Variants in HDAC11 observed in about 807,000 individuals in gnomAD.
HDAC11 encodes the protein histone deacetylase 11.
In HDAC11, 23 loss-of-function variants were observed where a neutral mutation model predicts 41.1. The observed-to-expected ratio is 0.56, with a 90% confidence interval of 0.40 to 0.79. The LOEUF (loss-of-function observed/expected upper bound fraction) is 0.79. Ranked by LOEUF, HDAC11 falls within the 30% of genes least tolerant of loss-of-function variation. The pLI, the probability that HDAC11 is intolerant of heterozygous loss-of-function variation, is 0.00. For synonymous variants in HDAC11, 187 were observed against 186.6 expected (o/e 1.00, Z -0.02); for missense variants, 402 against 477.3 (o/e 0.84, Z 1.47).
chr3:13,491,159 G>C (rs976116334), intron 3 of HDAC11, among the ~76,000 whole-genome samples: 1 of 151,646 alleles, frequency 6.6e-6, no homozygotes, highest in African/African-American at 2.4e-5. Flanking sequence ...TCTGTGAAGA[G>C]AGGTAGCTTC....
chr3:13,487,861 A>G (rs1380095876), intron 3 of HDAC11, among the ~76,000 whole-genome samples: 1 of 152,002 alleles, frequency 6.6e-6, no homozygotes, highest in Admixed American at 6.6e-5. Context: ...ATGAGATAAT[A>G]TGTTAGATGG....
intron 2 of HDAC11, 99 bp downstream of exon 2, chr3:13,481,493 C>T (rs1036459504): frequency 4.2e-6 from 6 of 1,422,114 alleles, no homozygotes; most frequent in Non-Finnish European, 3.9e-6. Context: ...CTCCCATCTT[C>T]AGTTTCAGCC....
chr3:13,481,851 A>G (rs1381094530), intron 2 of HDAC11, among the ~76,000 whole-genome samples: 1 of 152,216 alleles, frequency 6.6e-6, no homozygotes, highest in African/African-American at 2.4e-5. Context: ...GGTAGGCACC[A>G]CAATCGCAGC....
At chr3:13,481,839 G>C (rs994198335) in intron 2 of HDAC11, among the ~76,000 whole-genome samples, 3 of 152,172 alleles carry the variant, frequency 2.0e-5, no homozygotes, top group African/African-American at 7.2e-5. Context: ...AGCAGCCCTC[G>C]GGGTAGGCAC....
chr3:13,486,616 T>C (rs970117943), intron 3 of HDAC11, among the ~76,000 whole-genome samples: 1 of 145,012 alleles, frequency 6.9e-6, no homozygotes. Flanking sequence ...TCTCGCTTTG[T>C]TGCCCAGGCT....
chr3:13,496,975 C>T (rs1702129235), intron 4 of HDAC11, 123 bp downstream of exon 4: 2 of 518,750 alleles, frequency 3.9e-6, no homozygotes, highest in Non-Finnish European at 6.8e-6. Context: ...AAATATTCCT[C>T]AAGGCTCGGC....
chr3:13,488,143 A>G lies in HDAC11; in HGVS notation c.252+4579A>G, dbSNP rs1407440057. Among the ~76,000 whole-genome samples, 4 of 152,062 alleles carry G rather than the reference A, an allele frequency of 2.6e-5. No homozygotes were observed. The East Asian group carries it at 7.8e-4, about 29-fold the overall frequency. ...AGAAGGAGACACAGACCATAGCTCC[A>G]TGGAGCACCTGGAGGGACCCTGGAG... is the stretch of plus-strand genomic sequence containing the variant. On this transcript the variant is annotated intron_variant, in intron 3 of 9. Transcript: ENST00000295757.
At chr3:13,503,093 C>A (rs76666620) in intron 8 of HDAC11, 113 bp downstream of exon 8, 10 of 725,224 alleles carry the variant, frequency 1.4e-5, no homozygotes, top group Non-Finnish European at 2.4e-5. Context: ...TTCATAGCAT[C>A]CCTGTGAGGT....
intron 9 of HDAC11, 70 bp downstream of exon 9, chr3:13,504,342 G>A (rs181341416): frequency 3.3e-5 from 53 of 1,591,282 alleles, no homozygotes; most frequent in African/African-American, 4.0e-5. Flanking sequence ...AAAGGTGGGC[G>A]GCCTCATGTC....
At chr3:13,488,378 A>G (rs1449539750) in intron 3 of HDAC11, among the ~76,000 whole-genome samples, 1 of 152,166 alleles carries the variant, frequency 6.6e-6, no homozygotes, top group Admixed American at 6.5e-5. Context: ...AAACATTTTC[A>G]TCACTCCAAA....
At chr3:13,487,897 G>T (rs1183024619) in intron 3 of HDAC11, among the ~76,000 whole-genome samples, 1 of 151,980 alleles carries the variant, frequency 6.6e-6, no homozygotes, top group African/African-American at 2.4e-5. Context: ...AGAAAGGAAG[G>T]GACAGCAGAA....
intron 3 of HDAC11, among the ~76,000 whole-genome samples, chr3:13,489,849 T>C (rs1383839703): frequency 6.6e-6 from 1 of 152,112 alleles, no homozygotes; most frequent in Non-Finnish European, 1.5e-5. Context: ...ATTACAGGCA[T>C]GTGTGAGCCA....
chr3:13,501,911 T>C lies in HDAC11; in HGVS notation c.530T>C (p.Ile177Thr). The C allele has an allele frequency of 6.2e-7, 1 of 1,614,012 alleles. No homozygotes were observed. The highest frequency in any genetic ancestry group is 8.5e-7 in the Non-Finnish European group (1 of 1,179,952). Reference sequence around the variant, plus strand: ...GTGGAGGGCATCTCCAGGGCTACCATCATTGATCTTGATGCCCATCAGGTG... The same window carrying C: ...GTGGAGGGCATCTCCAGGGCTACCACCATTGATCTTGATGCCCATCAGGTG... ...ERVEGISRAT[I>T]IDLDAHQGNG... The change falls in exon 7 of 10, where the codon ATC becomes ACC. Residue 177 changes from isoleucine (I) to threonine (T), a missense_variant. By Grantham distance (89) the Ile-to-Thr change is moderately conservative (BLOSUM62 -1). Transcript: ENST00000295757.
intron 3 of HDAC11, among the ~76,000 whole-genome samples, chr3:13,496,035 C>T (rs1324387988): frequency 6.6e-6 from 1 of 152,204 alleles, no homozygotes; most frequent in East Asian, 1.9e-4. Context: ...AGCAGGGATG[C>T]GTTTTCAGCC....
At chr3:13,481,948 C>T (rs912882032) in intron 2 of HDAC11, among the ~76,000 whole-genome samples, 12 of 152,294 alleles carry the variant, frequency 7.9e-5, no homozygotes, top group African/African-American at 2.2e-4. Context: ...GAATTACAGG[C>T]GTGAGCCACC....
intron 4 of HDAC11, 39 bp from the exon 5 acceptor site, chr3:13,498,474 G>A (rs768164475): frequency 3.7e-6 from 6 of 1,613,246 alleles, no homozygotes; most frequent in East Asian, 2.2e-5. Flanking sequence ...CTGGTGGATC[G>A]GCTGCCTGCG....
In HDAC11 at chr3:13,502,994, C is replaced by G; in HGVS notation, c.649+14C>G. Reference sequence around the variant, plus strand: ...GCTTTGCCAAGCGTAAGCTGCTGCCCCTACCCTCATCTTGGGTGTGTCCTT... The same window carrying G: ...GCTTTGCCAAGCGTAAGCTGCTGCCGCTACCCTCATCTTGGGTGTGTCCTT... On this transcript the variant is annotated intron_variant, in intron 8 of 9. Transcript: ENST00000295757. The surrounding 1 kb of genome is among the most constrained non-coding windows in gnomAD (Gnocchi z 4.1). The G allele has an allele frequency of 1.3e-6, 2 of 1,598,582 alleles. No homozygotes were observed. The highest frequency in any genetic ancestry group is 1.7e-6 in the Non-Finnish European group (2 of 1,166,362).
At chr3:13,498,361 G>C (rs970228326) in intron 4 of HDAC11, 152 bp from the exon 5 acceptor site, 2 of 910,542 alleles carry the variant, frequency 2.2e-6, no homozygotes, top group Non-Finnish European at 3.5e-6. Flanking sequence ...TTGGGGTAGG[G>C]AGTTCCTTCT....
chr3:13,504,562 C>G lies in HDAC11; in HGVS notation c.923C>G (p.Thr308Arg), dbSNP rs1436442114. The change falls in exon 10 of 10, where the codon ACA (threonine) becomes AGA (arginine). Residue 308 changes from threonine (T) to arginine (R), a missense_variant. Thr to Arg is a moderately conservative substitution (Grantham distance 71). Coordinates refer to ENST00000295757, the MANE Select transcript of HDAC11 (RefSeq NM_024827.4). ...ACCTCAGGCGGGTACCAGAAGCGCA[C>G]AGCCCGCATCATTGCTGACTCCATA... ...MVTSGGYQKRTARIIADSILN... is the reference protein window; with the variant it reads ...MVTSGGYQKRRARIIADSILN... The G allele has an allele frequency of 2.0e-5, 32 of 1,613,564 alleles. No individual in the cohort carries two copies. Among genetic ancestry groups the G allele is most frequent in the Non-Finnish European group, 2.3e-5 (27 of 1,180,034 alleles).
Sources: allele counts gnomAD v4.1 joint callset (sites outside exome capture counted in the v4.1 genomes callset), GRCh38; gene constraint gnomAD v4.1.1; non-coding constraint Gnocchi (gnomAD v3.1); transcripts MANE v1.5; gene names NCBI Gene and HGNC (gene_info 2026-07-23, HGNC 2026-07-21).